Variants in SGCZ observed in about 807,000 individuals in gnomAD.
The protein encoded by SGCZ is sarcoglycan zeta.
Under a neutral mutation model 41.3 loss-of-function variants are expected in SGCZ, and 40 were observed. The observed-to-expected ratio is 0.97, with a 90% CI of 0.75 to 1.26. SGCZ has a LOEUF of 1.26. Ranked by LOEUF, SGCZ falls within the 50% of genes most tolerant of loss-of-function variation. The pLI is 0.00. For synonymous variants in SGCZ, 206 were observed against 137.5 expected (o/e 1.50, Z -3.49); for missense variants, 552 against 369.8 (o/e 1.49, Z -4.04).
At chr8:14,595,326 T>G (rs13263619) in intron 1 of SGCZ, among the ~76,000 whole-genome samples, 134,870 of 151,742 alleles carry the variant, frequency 0.89, 60,124 homozygotes, top group Non-Finnish European at 0.93. Flanking sequence ...ATCTGGTAAG[T>G]TACCAAAACA....
intron 4 of SGCZ, among the ~76,000 whole-genome samples, chr8:14,223,814 C>G (rs752139330): frequency 7.2e-5 from 11 of 152,150 alleles, no homozygotes; most frequent in South Asian, 2.1e-4. Flanking sequence ...TAGGGTAACT[C>G]TGAATAAAAA....
intron 1 of SGCZ, among the ~76,000 whole-genome samples, chr8:15,047,689 G>C (rs1409183852): frequency 6.6e-6 from 1 of 151,984 alleles, no homozygotes; most frequent in Non-Finnish European, 1.5e-5. Context: ...GAAATTCTGA[G>C]AACATTCTAT....
chr8:14,301,566 G>C (rs1801191074), intron 3 of SGCZ, among the ~76,000 whole-genome samples: 1 of 152,002 alleles, frequency 6.6e-6, no homozygotes, highest in South Asian at 2.1e-4. Flanking sequence ...ATGAAATCTG[G>C]GGTGATAGAT....
chr8:14,199,389 T>C (rs1308658950), intron 4 of SGCZ, among the ~76,000 whole-genome samples: 2 of 152,184 alleles, frequency 1.3e-5, no homozygotes. Flanking sequence ...ATGTTATCAA[T>C]GACAATGCAT....
At chr8:14,410,941 T>G (rs1443350730) in intron 2 of SGCZ, among the ~76,000 whole-genome samples, 2 of 152,162 alleles carry the variant, frequency 1.3e-5, no homozygotes, top group Non-Finnish European at 2.9e-5. Context: ...GTGATAAATT[T>G]TCTTCAACGT....
chr8:14,851,399 G>C (rs74725124), intron 1 of SGCZ, among the ~76,000 whole-genome samples: 3 of 130,110 alleles, frequency 2.3e-5, no homozygotes, highest in African/African-American at 8.6e-5. Flanking sequence ...AAGAAAAAAA[G>C]AAAAAAGAAA....
intron 5 of SGCZ, among the ~76,000 whole-genome samples, chr8:14,117,115 A>G (rs1473038890): frequency 6.6e-6 from 1 of 152,038 alleles, no homozygotes; most frequent in Non-Finnish European, 1.5e-5. Flanking sequence ...ATGACCTACA[A>G]AATGTATCTT....
intron 1 of SGCZ, among the ~76,000 whole-genome samples, chr8:14,781,663 C>G (rs531577144): frequency 6.6e-6 from 1 of 152,088 alleles, no homozygotes; most frequent in South Asian, 2.1e-4. Flanking sequence ...TACATATAGA[C>G]GTTCCTCAAC....
intron 2 of SGCZ, among the ~76,000 whole-genome samples, chr8:14,459,615 A>G (rs1000597263): frequency 3.9e-5 from 6 of 152,128 alleles, no homozygotes; most frequent in Admixed American, 2.0e-4. Context: ...TTTATTAATT[A>G]TACAAGGACA....
intron 1 of SGCZ, among the ~76,000 whole-genome samples, chr8:15,087,566 A>G (rs1009972702): frequency 1.3e-5 from 2 of 152,162 alleles, no homozygotes; most frequent in Admixed American, 1.3e-4. Context: ...TAAAGTTGTG[A>G]CCACTGAAGT....
intron 1 of SGCZ, among the ~76,000 whole-genome samples, chr8:14,981,448 T>G (rs1038145645): frequency 1.3e-5 from 2 of 152,206 alleles, no homozygotes; most frequent in African/African-American, 4.8e-5. Flanking sequence ...CGAACTGAGT[T>G]AATTCTTCAA....
intron 1 of SGCZ, among the ~76,000 whole-genome samples, chr8:14,564,229 C>G (rs1408019515): frequency 6.6e-6 from 1 of 152,166 alleles, no homozygotes; most frequent in East Asian, 1.9e-4. Context: ...AATCTGGATT[C>G]CAAAACCTCT....
intron 2 of SGCZ, among the ~76,000 whole-genome samples, chr8:14,469,400 T>C (rs1030892261): frequency 6.6e-6 from 1 of 152,148 alleles, no homozygotes; most frequent in East Asian, 1.9e-4. Flanking sequence ...CCCTCTCACA[T>C]ATGCATGGAA....
At chr8:15,002,035 G>T (rs756214023) in intron 1 of SGCZ, among the ~76,000 whole-genome samples, 13 of 152,230 alleles carry the variant, frequency 8.5e-5, no homozygotes, top group Non-Finnish European at 1.5e-4. Flanking sequence ...TAAAACATAA[G>T]TGTTATCCTT....
chr8:14,724,638 A>C (rs1025969091), intron 1 of SGCZ, among the ~76,000 whole-genome samples: 10 of 151,614 alleles, frequency 6.6e-5, no homozygotes, highest in African/African-American at 2.4e-4. Flanking sequence ...AATAAGACCA[A>C]GCGTTTCTCT....
At chr8:14,333,376 C>T (rs1802403759) in intron 2 of SGCZ, among the ~76,000 whole-genome samples, 1 of 152,022 alleles carries the variant, frequency 6.6e-6, no homozygotes, top group African/African-American at 2.4e-5. Context: ...GTTTTGTACC[C>T]TAAAAATTGC....
At chr8:14,642,759 A>G (rs1807068936) in intron 1 of SGCZ, among the ~76,000 whole-genome samples, 1 of 151,608 alleles carries the variant, frequency 6.6e-6, no homozygotes, top group Non-Finnish European at 1.5e-5. Context: ...GTTATAAAGA[A>G]ATAAATAATA....
intron 3 of SGCZ, chr8:14,309,290 T>A (rs1801448308): frequency 6.4e-7 from 1 of 1,573,918 alleles, no homozygotes; most frequent in Non-Finnish European, 8.7e-7. Context: ...TGGCTGTGAC[T>A]ACTCACTTTT....
At chr8:15,100,364 C>CAT (rs1330623511) in intron 1 of SGCZ, among the ~76,000 whole-genome samples, 1 of 152,066 alleles carries the variant, frequency 6.6e-6, no homozygotes, top group Non-Finnish European at 1.5e-5. Flanking sequence ...ATTACACACA[C>CAT]ATCAAAGAAA....
Sources: gnomAD v4.1 joint callset for allele counts (sites outside exome capture counted in the v4.1 genomes callset) on GRCh38, gnomAD v4.1.1 for gene constraint, MANE v1.5 for transcripts, NCBI Gene and HGNC (gene_info 2026-07-23, HGNC 2026-07-21) for gene names.